Variants in ABCA13 observed in about 807,000 individuals in gnomAD.
ABCA13 encodes ATP binding cassette subfamily A member 13.
ABCA13 carries 476 observed loss-of-function variants against 478.7 expected under a neutral mutation model. The ratio of observed to expected loss-of-function variants is 0.99; its 90% CI spans 0.92 to 1.07. The LOEUF (loss-of-function observed/expected upper bound fraction) is 1.07. ABCA13 is among the 50% of genes least tolerant of loss of function. The pLI, the probability that ABCA13 is intolerant of heterozygous loss-of-function variation, is 0.00. For missense variants in ABCA13, 6,060 were observed against 5,910.6 expected, an observed-to-expected ratio of 1.03 and a Z score of -0.83; for synonymous variants, 2,252 against 2,158.9, an observed-to-expected ratio of 1.04 and a Z score of -1.20.
chr7:48,261,725 T>A (rs1455302082), intron 15 of ABCA13, among the ~76,000 whole-genome samples: 1 of 151,960 alleles, frequency 6.6e-6, no homozygotes, highest in East Asian at 1.9e-4. Flanking sequence ...AGTCCTTTAT[T>A]TTAAAGTTTA....
intron 27 of ABCA13, among the ~76,000 whole-genome samples, chr7:48,319,559 T>G (rs540787678): frequency 6.6e-6 from 1 of 152,230 alleles, no homozygotes. Context: ...ATAAATTATT[T>G]AAGACGTGGT....
chr7:48,435,223 A>G (rs1158839816), intron 42 of ABCA13, among the ~76,000 whole-genome samples: 4 of 151,816 alleles, frequency 2.6e-5, no homozygotes, highest in African/African-American at 4.8e-5. Flanking sequence ...GCTTGCCCTC[A>G]TGATTAAGTT....
chr7:48,452,780 A>G (rs1047644111), intron 42 of ABCA13, among the ~76,000 whole-genome samples: 1 of 152,248 alleles, frequency 6.6e-6, no homozygotes, highest in African/African-American at 2.4e-5. Context: ...TGTCAGAGAA[A>G]GAGCTTCTTG....
chr7:48,601,191 C>T (rs1266006824), intron 58 of ABCA13, among the ~76,000 whole-genome samples: 1 of 152,072 alleles, frequency 6.6e-6, no homozygotes, highest in Non-Finnish European at 1.5e-5. Context: ...AGAATCCCCA[C>T]TTACTAATGT....
At position 48,219,357 on chromosome 7, in the gene ABCA13, G is replaced by A. The variant is rs761479771; in HGVS notation, c.291G>A (p.Leu97=). The A allele has an allele frequency of 6.2e-7, 1 of 1,607,120 alleles. No homozygotes were observed. The highest frequency in any genetic ancestry group is 8.5e-7 in the Non-Finnish European group (1 of 1,178,278). The change falls in exon 4 of 62, where the codon TTG becomes TTA. Residue 97 remains leucine (L), a synonymous_variant. Transcript: ENST00000435803. ...GCAGTATTTATTCTGTTTAAAGTTT[G>A]TCTAGGTTCCAAACTGCAGCTGACC... ...YEGSMEHHFR[L]SRFQTAADPK...
chr7:48,625,616 G>A (rs574586407), intron 59 of ABCA13, among the ~76,000 whole-genome samples: 2 of 152,212 alleles, frequency 1.3e-5, no homozygotes, highest in African/African-American at 4.8e-5. Context: ...CATGTTGTAT[G>A]AACACAGCAT....
At chr7:48,183,171 GA>G (rs1795923149) in intron 1 of ABCA13, among the ~76,000 whole-genome samples, 1 of 152,078 alleles carries the variant, frequency 6.6e-6, no homozygotes, top group South Asian at 2.1e-4. Flanking sequence ...TCCTCCCTTT[GA>G]AAGGCTCTCT....
chr7:48,375,735 AAG>A (rs1813377109), intron 34 of ABCA13, among the ~76,000 whole-genome samples: 1 of 152,146 alleles, frequency 6.6e-6, no homozygotes, highest in African/African-American at 2.4e-5. Context: ...GTTTTTCAAT[AAG>A]ATGTATTAAA....
intron 40 of ABCA13, 141 bp downstream of exon 40, chr7:48,410,818 C>T: frequency 1.6e-6 from 2 of 1,246,388 alleles, no homozygotes; most frequent in Middle Eastern, 2.2e-4. Context: ...ATAAGTGGCC[C>T]CAGGCCTGTG....
chr7:48,366,739 G>C (rs773282514), intron 31 of ABCA13, among the ~76,000 whole-genome samples: 1 of 152,088 alleles, frequency 6.6e-6, no homozygotes, highest in Non-Finnish European at 1.5e-5. Context: ...CATGAGAACT[G>C]CATTAATCCA....
In ABCA13 at chr7:48,352,482, C is replaced by G. The variant is rs368428844; in HGVS notation, c.10683C>G (p.Ser3561Arg). ...CGGCCCCTTACCCCTGCCATACCAG[C>G]GACCTGTGAGTAGCCTGGGGCAGGA... Reference protein sequence around the residue: ...TQAAPYPCHTSDLFLNNVGFF... With the variant: ...TQAAPYPCHTRDLFLNNVGFF... Residue 3561 changes from serine (S) to arginine (R), a missense_variant, in exon 31 of 62, where the codon AGC (serine) becomes AGG (arginine). Ser to Arg is a moderately radical substitution (Grantham distance 110, BLOSUM62 -1). Transcript: ENST00000435803. 1 of 1,600,244 alleles carries G rather than the reference C, an allele frequency of 6.2e-7. No homozygotes were observed. Among genetic ancestry groups the G allele is most frequent in the Non-Finnish European group, 8.5e-7 (1 of 1,171,634 alleles).
intron 5 of ABCA13, 123 bp downstream of exon 5, chr7:48,221,432 G>A (rs1421026066): frequency 1.9e-6 from 1 of 520,378 alleles, no homozygotes; most frequent in Non-Finnish European, 3.2e-6. Flanking sequence ...CAATTGTATA[G>A]AAGCTGGATT....
In ABCA13 at chr7:48,293,198, C is replaced by G. The variant is rs546709522; in HGVS notation, c.8956-2502C>G. Among the ~76,000 whole-genome samples the G allele has an allele frequency of 8.8e-4, 119 of 134,874 alleles. 4 individuals carry two copies. The Middle Eastern group carries it at 0.011, about 12-fold the overall frequency. 88.5% of individuals were successfully genotyped at this position (134,874 alleles called of 152,430 possible). On this transcript the variant is annotated intron_variant, in intron 20 of 61. Coordinates refer to ENST00000435803, the MANE Select transcript of ABCA13 (RefSeq NM_152701.5). Reference sequence around the variant, plus strand: ...ATTTCCTGAGAAGTCTTCAGCCCCCCCCCCGCCACACACACACTAAATCTA... The same window carrying G: ...ATTTCCTGAGAAGTCTTCAGCCCCCGCCCCGCCACACACACACTAAATCTA...
chr7:48,620,553 C>A (rs1793038588), intron 59 of ABCA13, among the ~76,000 whole-genome samples: 1 of 152,162 alleles, frequency 6.6e-6, no homozygotes, highest in Non-Finnish European at 1.5e-5. Context: ...AAAAATATCT[C>A]TTGACATTGG....
At chr7:48,276,604 G>A (rs774885531) in intron 17 of ABCA13, 39 bp downstream of exon 17, 2 of 1,523,924 alleles carry the variant, frequency 1.3e-6, no homozygotes, top group Non-Finnish European at 1.8e-6. Context: ...ATGCAGTTGC[G>A]ATATATCTCA....
intron 29 of ABCA13, among the ~76,000 whole-genome samples, chr7:48,344,298 T>C (rs1807708935): frequency 6.6e-6 from 1 of 152,214 alleles, no homozygotes; most frequent in Non-Finnish European, 1.5e-5. Context: ...CAAGGAATTA[T>C]GTGCCCAAAG....
At position 48,563,072 on chromosome 7, in the gene ABCA13, A is replaced by T. The variant is rs541874501; in HGVS notation, c.14355-17152A>T. Among the ~76,000 whole-genome samples the T allele has an allele frequency of 3.2e-4, 48 of 152,252 alleles. No individual in the cohort carries two copies. In the South Asian group the frequency reaches 9.7e-3, roughly 31 times the overall value. On this transcript the variant is annotated intron_variant, in intron 55 of 61. Coordinates refer to ENST00000435803, the MANE Select transcript of ABCA13 (RefSeq NM_152701.5). ...TTTGCATTTGGCATGATCATTTAAA[A>T]TATTTTTAAATATGCAATGCATGGC... is the stretch of plus-strand genomic sequence containing the variant.
rs1426141841 is a variant in ABCA13, at chr7:48,349,847, C to T, written c.10205-796C>T. Among the ~76,000 whole-genome samples, 3 of 152,158 alleles carry T rather than the reference C, an allele frequency of 2.0e-5. No homozygotes were observed. The East Asian group carries it at 5.8e-4, about 29-fold the overall frequency. The stretch of plus-strand genomic sequence containing the variant: ...AGGAGGTCAGTGAGATACAGGAGGG[C>T]CAGCAGGAAGCAGTGACTGCACACA... On this transcript the variant is annotated intron_variant, in intron 29 of 61. Transcript: ENST00000435803.
chr7:48,610,610 C>T (rs1052847500), intron 58 of ABCA13, among the ~76,000 whole-genome samples: 7 of 152,204 alleles, frequency 4.6e-5, no homozygotes, highest in African/African-American at 1.7e-4. Context: ...AGGTTTTCCA[C>T]GAGAGCCACG....
Sources: allele counts gnomAD v4.1 joint callset (sites outside exome capture counted in the v4.1 genomes callset), GRCh38; gene constraint gnomAD v4.1.1; transcripts MANE v1.5; gene names NCBI Gene and HGNC (gene_info 2026-07-23, HGNC 2026-07-21).